CPD: variants seen among roughly 807,000 people sequenced by gnomAD.
CPD encodes the protein carboxypeptidase D.
CPD carries 69 observed loss-of-function variants against 138.3 expected under a neutral mutation model. The ratio of observed to expected loss-of-function variants is 0.50; its 90% CI spans 0.41 to 0.61. The LOEUF (loss-of-function observed/expected upper bound fraction) is 0.61. CPD is among the 20% of genes least tolerant of loss of function. CPD has a pLI of 0.00. For synonymous variants in CPD, 651 were observed against 642.1 expected, an observed-to-expected ratio of 1.01 and a Z score of -0.21; for missense variants, 1,432 against 1,733.3, an observed-to-expected ratio of 0.83 and a Z score of 3.09.
chr17:30,379,330 C>A lies in CPD; in HGVS notation c.350C>A (p.Ala117Asp). The A allele has an allele frequency of 6.7e-7, 1 of 1,489,912 alleles. No homozygotes were observed. Among genetic ancestry groups the A allele is most frequent in the South Asian group, 1.3e-5 (1 of 79,024 alleles). The allele number at this position is 1,489,912 out of a possible 1,614,324, so 92.3% of individuals were successfully genotyped here. ...GAGGGCGACGCGGGGCCTGACGCTG[C>A]CGGGCCCGACGCTGCGGGGCCGCTG... Reference protein sequence around the residue: ...IPEGDAGPDAAGPDAAGPLLP... With the variant: ...IPEGDAGPDADGPDAAGPLLP... The change falls in exon 1 of 21, where the codon GCC (alanine) becomes GAC (aspartate). Residue 117 changes from alanine to aspartate, a missense_variant. Physicochemically the swap from Ala to Asp is moderately radical, Grantham distance 126. Coordinates refer to ENST00000225719, the MANE Select transcript of CPD (RefSeq NM_001304.5). The surrounding 1 kb of genome is among the most constrained non-coding windows in gnomAD (Gnocchi z 7.0).
intron 2 of CPD, among the ~76,000 whole-genome samples, chr17:30,416,103 C>A (rs146787846): frequency 6.6e-6 from 1 of 152,080 alleles, no homozygotes; most frequent in Non-Finnish European, 1.5e-5. Context: ...GAGGCCAAGG[C>A]GGGCGGATCA....
intron 2 of CPD, among the ~76,000 whole-genome samples, chr17:30,392,008 CTTT>C (rs869193468): frequency 5.2e-5 from 7 of 134,266 alleles, no homozygotes; most frequent in Non-Finnish European, 3.2e-5. Flanking sequence ...TTTGGATAAT[CTTT>C]TTTTTTTTTT....
chr17:30,401,383 C>T (rs7209857), intron 2 of CPD, among the ~76,000 whole-genome samples: 91,748 of 149,186 alleles, frequency 0.61, 29,578 homozygotes, highest in East Asian at 0.82. Context: ...TCTTCTTCCT[C>T]CTCTTCCTCT....
intron 14 of CPD, among the ~76,000 whole-genome samples, chr17:30,453,012 G>A (rs898312054): frequency 3.9e-5 from 6 of 151,972 alleles, no homozygotes; most frequent in South Asian, 4.2e-4. Context: ...ACCTCCCACC[G>A]GCTCCCTCCC....
intron 2 of CPD, among the ~76,000 whole-genome samples, chr17:30,418,096 C>T (rs1408935075): frequency 2.0e-5 from 3 of 152,144 alleles, no homozygotes; most frequent in African/African-American, 4.8e-5. Context: ...AAAACTGCCT[C>T]CCCAAGAAGC....
At chr17:30,401,766 A>G (rs561488694) in intron 2 of CPD, among the ~76,000 whole-genome samples, 1 of 152,226 alleles carries the variant, frequency 6.6e-6, no homozygotes, top group South Asian at 2.1e-4. Context: ...GATTACAGGC[A>G]TGAGCCATTG....
intron 9 of CPD, among the ~76,000 whole-genome samples, chr17:30,439,394 C>CTTTTTTTTTTTTTTTTTTT (rs71138889): frequency 6.0e-4 from 75 of 124,626 alleles, no homozygotes; most frequent in African/African-American, 8.3e-4. Context: ...ACGTTACTTT[C>CTTTTTTTTTTTTTTTTTTT]TTTTTTTTTT....
At chr17:30,417,469 A>G (rs943495162) in intron 2 of CPD, among the ~76,000 whole-genome samples, 2 of 152,116 alleles carry the variant, frequency 1.3e-5, no homozygotes, top group African/African-American at 4.8e-5. Context: ...ATATTCTACA[A>G]ATACCTCAAA....
At chr17:30,424,021 A>G (rs781532505) in intron 6 of CPD, among the ~76,000 whole-genome samples, 1 of 152,150 alleles carries the variant, frequency 6.6e-6, no homozygotes, top group Non-Finnish European at 1.5e-5. Flanking sequence ...ATTTGAAGAG[A>G]TTTATTCTGA....
intron 2 of CPD, among the ~76,000 whole-genome samples, chr17:30,419,166 A>AT (rs765528768): frequency 1.1e-4 from 16 of 152,036 alleles, no homozygotes; most frequent in Non-Finnish European, 7.4e-5. Flanking sequence ...AAGTTTTGTT[A>AT]TTTTTGCTGT....
intron 2 of CPD, among the ~76,000 whole-genome samples, chr17:30,412,847 C>T (rs2058283): frequency 0.49 from 74,412 of 151,996 alleles, 18,667 homozygotes; most frequent in East Asian, 0.82. Context: ...GTTGAGGTGA[C>T]GCCCTGCCCT....
Position 30,423,577 on chromosome 17 carries a change from C to T in CPD, c.1729C>T (p.Leu577Phe), listed in dbSNP as rs1301857550. 8 of 1,611,232 alleles carry T rather than the reference C, an allele frequency of 5.0e-6. No individual in the cohort carries two copies. Among genetic ancestry groups the T allele is most frequent in the Non-Finnish European group, 6.8e-6 (8 of 1,178,788 alleles). Residue 577 changes from leucine (L) to phenylalanine (F), a missense_variant, in exon 6 of 21, where the codon CTC (leucine) becomes TTC (phenylalanine). Coordinates refer to ENST00000225719, the MANE Select transcript of CPD (RefSeq NM_001304.5). Reference protein sequence around the residue: ...EVVGRELLLNLIEYLCKNFGT... With the variant: ...EVVGRELLLNFIEYLCKNFGT... ...GGTTGGAAGAGAACTGCTGTTGAAC[C>T]TCATAGAATACCTTTGTAAGAACTT...
intron 2 of CPD, among the ~76,000 whole-genome samples, chr17:30,400,808 C>T (rs1911638666): frequency 6.7e-6 from 1 of 149,860 alleles, no homozygotes; most frequent in African/African-American, 2.5e-5. Flanking sequence ...CAGGCGCCTA[C>T]CACCACGCCC....
In CPD at chr17:30,443,981, T is replaced by C; in HGVS notation, c.2543+10T>C. 1 of 1,613,220 alleles carries C rather than the reference T, an allele frequency of 6.2e-7. No individual in the cohort carries two copies. The highest frequency in any genetic ancestry group is 8.5e-7 in the Non-Finnish European group (1 of 1,179,404). ...CAGCATCTGCTCGAGGGTGAGTGAC[T>C]GAATGCTTTGAAATAGAGTGCTCGG... is the stretch of plus-strand genomic sequence containing the variant. On this transcript the variant is annotated intron_variant, in intron 11 of 20. Coordinates refer to ENST00000225719, the MANE Select transcript of CPD (RefSeq NM_001304.5).
At chr17:30,384,854 C>T (rs913511859) in intron 1 of CPD, 135 bp from the exon 2 acceptor site, 9 of 894,532 alleles carry the variant, frequency 1.0e-5, no homozygotes, top group Non-Finnish European at 1.6e-5. Context: ...TAACAGATAA[C>T]AGCTGATAGA....
At chr17:30,449,245 T>C (rs1036563267) in intron 12 of CPD, among the ~76,000 whole-genome samples, 4 of 152,310 alleles carry the variant, frequency 2.6e-5, no homozygotes, top group Non-Finnish European at 4.4e-5. Flanking sequence ...TAAATAGTAG[T>C]GTAGATTAAA....
Position 30,421,612 on chromosome 17 carries a change from G to C in CPD, c.1138-52G>C, listed in dbSNP as rs573768546. 1.5e-5 allele frequency: 23 copies of C among 1,538,068 alleles called. No homozygotes were observed. In the East Asian group the frequency reaches 5.2e-4, roughly 35 times the overall value. ...GTATCGGTGCAGAGAGAAATTATGC[G>C]CTCTTGCCTTCCAAATTCACCGTCT... On this transcript the variant is annotated intron_variant, in intron 3 of 20. Transcript: ENST00000225719.
rs1014733934 is a variant in CPD at position 30,456,355 on chromosome 17, G to A, written c.3433+4G>A. 1 of 1,613,752 alleles carries A rather than the reference G, an allele frequency of 6.2e-7. No homozygotes were observed. Among genetic ancestry groups the A allele is most frequent in the African/African-American group, 1.3e-5 (1 of 74,930 alleles). ...CCCAGTTGCCCAAATAAATCAGGTA[G>A]ATGTTTTCCATACCTTTTGTTATTG... On this transcript the variant is annotated splice_donor_region_variant and intron_variant, in intron 16 of 20. Transcript: ENST00000225719.
At position 30,418,728 on chromosome 17, in the gene CPD, G is replaced by A. The variant is rs1054060264; in HGVS notation, c.995-2113G>A. On this transcript the variant is annotated intron_variant, in intron 2 of 20. Coordinates refer to ENST00000225719, the MANE Select transcript of CPD (RefSeq NM_001304.5). ...CCCCTCCTCTGATTGGAAACAAAAC[G>A]CTTGGCGTTATTTGTAAGTGCTGAA... Among the ~76,000 whole-genome samples, 5 of 152,142 alleles carry A rather than the reference G, an allele frequency of 3.3e-5. No individual in the cohort carries two copies. In the East Asian group the frequency reaches 9.7e-4, roughly 29 times the overall value.
Sources: gnomAD v4.1 joint callset for allele counts (sites outside exome capture counted in the v4.1 genomes callset) on GRCh38, gnomAD v4.1.1 for gene constraint, Gnocchi (gnomAD v3.1) non-coding constraint, MANE v1.5 for transcripts, NCBI Gene and HGNC (gene_info 2026-07-23, HGNC 2026-07-21) for gene names.